The following KCTD10 variants were observed in gnomAD, a reference collection of about 807,000 sequenced individuals.
KCTD10 encodes BTB/POZ domain-containing adapter for CUL3-mediated RhoA degradation protein 3.
KCTD10 carries 13 observed loss-of-function variants against 34.6 expected under a neutral mutation model. That is an observed-to-expected ratio of 0.38 (90% confidence interval 0.24 to 0.60). KCTD10 has a LOEUF of 0.60. KCTD10 is among the 20% of genes least tolerant of loss of function. KCTD10 has a pLI of 0.66. For synonymous variants in KCTD10, 156 were observed against 168.8 expected (o/e 0.92, Z 0.59); for missense variants, 256 against 420.3 (o/e 0.61, Z 3.42).
chr12:109,469,313 A>G, intron 2 of KCTD10: 1 of 607,922 alleles, frequency 1.6e-6, no homozygotes. Flanking sequence ...CATGGCAGAG[A>G]TAAGCAAGCT....
At position 109,450,069 on chromosome 12, in the gene KCTD10, G is replaced by A. The variant is rs1245138803; in HGVS notation, c.*1526C>T. ...GGGCAGTAAGTACAAAGTCTAAGCTGTAAAAACCGTTTGAAAATATAAACT... is the reference window on the plus strand; with the variant it reads ...GGGCAGTAAGTACAAAGTCTAAGCTATAAAAACCGTTTGAAAATATAAACT... On this transcript the variant is annotated 3_prime_UTR_variant, in exon 7 of 7. Transcript: ENST00000228495. 5.1e-6 allele frequency: 2 copies of A among 390,660 alleles called. No individual in the cohort carries two copies. Among genetic ancestry groups the A allele is most frequent in the Non-Finnish European group, 4.5e-6 (1 of 221,594 alleles). 24.2% of individuals were successfully genotyped at this position (390,660 alleles called of 1,614,324 possible).
intron 3 of KCTD10, chr12:109,458,411 C>T (rs1256751155): frequency 8.9e-6 from 2 of 224,810 alleles, no homozygotes; most frequent in Non-Finnish European, 1.7e-5. Context: ...AACCCCACTA[C>T]CATGACTGCA....
At position 109,460,892 on chromosome 12, in the gene KCTD10, T is replaced by C; in HGVS notation, c.218-87A>G. The C allele has an allele frequency of 7.5e-7, 1 of 1,336,756 alleles. No homozygotes were observed. The highest frequency in any genetic ancestry group is 1.0e-6 in the Non-Finnish European group (1 of 956,358). The allele number at this position is 1,336,756 out of a possible 1,614,324, so 82.8% of individuals were successfully genotyped here. A position where few individuals can be genotyped will look rare whatever the true frequency, so the allele number is the denominator to read the frequency against. On this transcript the variant is annotated intron_variant, in intron 2 of 6. Coordinates refer to ENST00000228495, the MANE Select transcript of KCTD10 (RefSeq NM_031954.5). The surrounding 1 kb of genome is among the most constrained non-coding windows in gnomAD (Gnocchi z 4.5). ...AGAGCTGGGGTGTCTCTCGGCTCCC[T>C]CTACCTCCCAGCGGAGAGCGGGACT...
At chr12:109,455,990 A>T (rs1872997323) in intron 6 of KCTD10, 128 bp downstream of exon 6, 1 of 895,122 alleles carries the variant, frequency 1.1e-6, no homozygotes, top group African/African-American at 1.7e-5. Context: ...TATTTTAAGG[A>T]TGAGCAATCA....
chr12:109,471,380 G>C (rs1278613802), intron 1 of KCTD10: 1 of 985,338 alleles, frequency 1.0e-6, no homozygotes, highest in Non-Finnish European at 1.2e-6. Flanking sequence ...TCAGGGCCCT[G>C]CAGAGTGAAA....
chr12:109,456,765 G>A (rs545940227), intron 5 of KCTD10: 1 of 174,204 alleles, frequency 5.7e-6, no homozygotes, highest in Admixed American at 5.5e-5. Context: ...CTGAGTTAGA[G>A]CCACATGTTT....
chr12:109,456,079 C>G, intron 6 of KCTD10, 39 bp downstream of exon 6: 1 of 1,597,654 alleles, frequency 6.3e-7, no homozygotes, highest in Non-Finnish European at 8.6e-7. Flanking sequence ...GTGTGTGTTT[C>G]AGAACAGCCA....
Position 109,473,907 on chromosome 12 carries a change from G to A in KCTD10, c.3+3353C>T, listed in dbSNP as rs7979038. 8.5e-3 allele frequency among the ~76,000 whole-genome samples: 1,286 copies of A among 151,340 alleles called. 21 individuals carry two copies. Among genetic ancestry groups the A allele is most frequent in the African/African-American group, 0.029 (1,214 of 41,218 alleles). ...AGCAATTCTCCTGCCTCACCCTCCC[G>A]AGTAGCTGGGATTACAGGCATGCAC... On this transcript the variant is annotated intron_variant, in intron 1 of 6. Coordinates refer to ENST00000228495, the MANE Select transcript of KCTD10 (RefSeq NM_031954.5).
In KCTD10 at chr12:109,477,278, G is replaced by C; in HGVS notation, c.-16C>G. On this transcript the variant is annotated 5_prime_UTR_variant, in exon 1 of 7. Transcript: ENST00000228495. ...TCCCTACCATGAAAAGTCGGAGGAC[G>C]CAGGAGTCTCCAAACCCGGACTGAG... The C allele has an allele frequency of 6.2e-7, 1 of 1,613,880 alleles. No homozygotes were observed. The highest frequency in any genetic ancestry group is 8.5e-7 in the Non-Finnish European group (1 of 1,179,904).
intron 6 of KCTD10, among the ~76,000 whole-genome samples, chr12:109,452,192 A>G (rs1236589269): frequency 6.6e-6 from 1 of 152,184 alleles, no homozygotes; most frequent in Non-Finnish European, 1.5e-5. Flanking sequence ...TCTTGTGCCT[A>G]ACTTAACCTA....
chr12:109,464,439 A>G (rs370700067), intron 2 of KCTD10, among the ~76,000 whole-genome samples: 2 of 152,228 alleles, frequency 1.3e-5, no homozygotes, highest in African/African-American at 4.8e-5. Context: ...GTCTCTGGAC[A>G]TTGCTAAATA....
Position 109,457,683 on chromosome 12 carries a change from C to T in KCTD10, c.475-1G>A. 1 of 1,614,176 alleles carries T rather than the reference C, an allele frequency of 6.2e-7. No individual in the cohort carries two copies. On this transcript the variant is annotated splice_acceptor_variant, in intron 4 of 6. Coordinates refer to ENST00000228495, the MANE Select transcript of KCTD10 (RefSeq NM_031954.5). LOFTEE classifies it high-confidence loss of function. ...TGTTGTAGAGCAACTTCACGGCTGG[C>T]TGTGGGTTGTTTTAAAAGAAGAAGA...
chr12:109,476,693 C>T (rs1158191138), intron 1 of KCTD10, among the ~76,000 whole-genome samples: 1 of 152,056 alleles, frequency 6.6e-6, no homozygotes, highest in African/African-American at 2.4e-5. Flanking sequence ...GCTGGGCTCT[C>T]TCGATTTCTT....
intron 1 of KCTD10, chr12:109,470,472 T>C: frequency 7.1e-6 from 7 of 985,510 alleles, no homozygotes; most frequent in Non-Finnish European, 8.4e-6. Flanking sequence ...ATACAGTGGC[T>C]GATTTACGCA....
intron 1 of KCTD10, among the ~76,000 whole-genome samples, chr12:109,476,381 G>T (rs1874266261): frequency 6.6e-6 from 1 of 152,160 alleles, no homozygotes; most frequent in Non-Finnish European, 1.5e-5. Context: ...TTCCAGGGAC[G>T]TGACAAACAA....
intron 1 of KCTD10, among the ~76,000 whole-genome samples, chr12:109,471,779 T>G (rs1021986835): frequency 6.6e-6 from 1 of 152,240 alleles, no homozygotes; most frequent in Non-Finnish European, 1.5e-5. Flanking sequence ...ATGCAAATAC[T>G]TTTTAAGCAC....
intron 2 of KCTD10, among the ~76,000 whole-genome samples, chr12:109,461,553 A>G (rs1039366420): frequency 1.3e-5 from 2 of 152,164 alleles, no homozygotes; most frequent in Admixed American, 6.5e-5. Flanking sequence ...CTGCTGCTCA[A>G]TGTCCTTTCT....
chr12:109,470,118 A>G, intron 1 of KCTD10: 1 of 1,035,756 alleles, frequency 9.7e-7, no homozygotes, highest in Non-Finnish European at 1.2e-6. Context: ...TAGCACCTGT[A>G]TACATGAACA....
chr12:109,454,410 A>G (rs1016756715), intron 6 of KCTD10, among the ~76,000 whole-genome samples: 2 of 152,196 alleles, frequency 1.3e-5, no homozygotes, highest in Non-Finnish European at 2.9e-5. Context: ...GGGCTCAATA[A>G]CAGAGTGGAG....
Sources: gnomAD v4.1 joint callset for allele counts (sites outside exome capture counted in the v4.1 genomes callset) on GRCh38, gnomAD v4.1.1 for gene constraint, Gnocchi (gnomAD v3.1) non-coding constraint, MANE v1.5 for transcripts, NCBI Gene and HGNC (gene_info 2026-07-23, HGNC 2026-07-21) for gene names.